BEST3: variants seen among roughly 807,000 people sequenced by gnomAD.
BEST3 encodes bestrophin 3.
A neutral mutation model predicts 47.1 loss-of-function variants in BEST3; 50 were observed. The ratio of observed to expected loss-of-function variants is 1.06; its 90% CI spans 0.85 to 1.34. The LOEUF is 1.34. Ranked by LOEUF, BEST3 falls within the 40% of genes most tolerant of loss-of-function variation. BEST3 has a pLI of 0.00. For missense variants in BEST3, 765 were observed against 817.0 expected, an observed-to-expected ratio of 0.94 and a Z score of 0.78; for synonymous variants, 282 against 298.8, an observed-to-expected ratio of 0.94 and a Z score of 0.58.
At chr12:69,669,355 G>A (rs1035446003) in intron 9 of BEST3, among the ~76,000 whole-genome samples, 2 of 152,138 alleles carry the variant, frequency 1.3e-5, no homozygotes, top group Non-Finnish European at 2.9e-5. Flanking sequence ...CTAGCAGATC[G>A]AGTTAAACCT....
intron 9 of BEST3, among the ~76,000 whole-genome samples, chr12:69,664,676 A>G (rs1213465120): frequency 6.8e-6 from 1 of 148,030 alleles, no homozygotes; most frequent in African/African-American, 2.5e-5. Context: ...TATATCTAAC[A>G]TATAAAATAT....
chr12:69,697,852 T>C lies in BEST3; in HGVS notation c.-15-39A>G, dbSNP rs552216037. 3 of 1,526,728 alleles carry C rather than the reference T, an allele frequency of 2.0e-6. No homozygotes were observed. In the African/African-American group the frequency reaches 4.2e-5, roughly 21 times the overall value. 94.6% of individuals were successfully genotyped at this position (1,526,728 alleles called of 1,614,324 possible). A position where few individuals can be genotyped will look rare whatever the true frequency, so the allele number is the denominator to read the frequency against. ...AAGACAAAACACAAGTAAAAAGCAATGTTTAAAATAGGGCATAAATCTGTA... is the reference window on the plus strand; with the variant it reads ...AAGACAAAACACAAGTAAAAAGCAACGTTTAAAATAGGGCATAAATCTGTA... On this transcript the variant is annotated intron_variant, in intron 1 of 9. Transcript: ENST00000330891.
intron 7 of BEST3, among the ~76,000 whole-genome samples, chr12:69,673,430 A>AACAAGG (rs1884705933): frequency 2.0e-5 from 3 of 152,190 alleles, no homozygotes; most frequent in Non-Finnish European, 2.9e-5. Flanking sequence ...AGAGGCTTTC[A>AACAAGG]CAATTTATTT....
intron 4 of BEST3, among the ~76,000 whole-genome samples, chr12:69,680,326 T>TTTTTTTTTTTTTTTTTTTTGTTTG (rs1555207061): frequency 6.9e-6 from 1 of 145,016 alleles, no homozygotes; most frequent in Admixed American, 6.8e-5. Flanking sequence ...TTTTTTTTTT[T>TTTTTTTTTTTTTTTTTTTTGTTTG]TAGATGGAGT....
chr12:69,693,782 T>TA lies in BEST3; in HGVS notation c.372dup (p.Arg125Ter). ...TTGACGTAGCGCATCAGCGTCCTTC[T>TA]AAGCAGGCGCCCGTGCTCGTCGCTT... is the stretch of plus-strand genomic sequence containing the variant. On this transcript the variant is annotated frameshift_variant, in exon 4 of 10. Transcript: ENST00000330891. LOFTEE classifies it high-confidence loss of function. The TA allele has an allele frequency of 6.2e-7, 1 of 1,614,160 alleles. No individual in the cohort carries two copies. Among genetic ancestry groups the TA allele is most frequent in the Non-Finnish European group, 8.5e-7 (1 of 1,180,020 alleles).
downstream of BEST3, chr12:69,643,521 T>G: frequency 6.9e-6 from 3 of 433,318 alleles, no homozygotes; most frequent in East Asian, 3.8e-5. Context: ...AAATTACCAT[T>G]AAAATCTCCT....
intron 5 of BEST3, among the ~76,000 whole-genome samples, chr12:69,678,312 G>T (rs1389740816): frequency 6.6e-6 from 1 of 152,120 alleles, no homozygotes; most frequent in South Asian, 2.1e-4. Context: ...GTATCTGAAA[G>T]GCTGGCTTAA....
chr12:69,653,891 G>A lies in BEST3; in HGVS notation c.*1016C>T, dbSNP rs904047237. ...ACACGATTAGGATTTTTGCATAAGAGTTCAAGTTAAACAGATGTGAGTCAT... is the reference window on the plus strand; with the variant it reads ...ACACGATTAGGATTTTTGCATAAGAATTCAAGTTAAACAGATGTGAGTCAT... On this transcript the variant is annotated 3_prime_UTR_variant, in exon 10 of 10. Coordinates refer to ENST00000330891, the MANE Select transcript of BEST3 (RefSeq NM_032735.3). The A allele has an allele frequency of 1.8e-5, 18 of 985,330 alleles. No individual in the cohort carries two copies. The highest frequency in any genetic ancestry group is 1.9e-5 in the Non-Finnish European group (16 of 829,944). 61.0% of individuals were successfully genotyped at this position (985,330 alleles called of 1,614,324 possible).
At chr12:69,674,232 A>T (rs1884761645) in intron 7 of BEST3, among the ~76,000 whole-genome samples, 1 of 152,160 alleles carries the variant, frequency 6.6e-6, no homozygotes, top group Non-Finnish European at 1.5e-5. Flanking sequence ...TAGAAAATCT[A>T]CCTACTTATC....
chr12:69,655,837 C>T, intron 9 of BEST3, 24 bp from the exon 10 acceptor site: 2 of 1,574,428 alleles, frequency 1.3e-6, no homozygotes, highest in Non-Finnish European at 1.7e-6. Context: ...TGACAAGATC[C>T]AGGCAGAGTA....
At position 69,693,854 on chromosome 12, in the gene BEST3, G is replaced by A. The variant is rs759429996; in HGVS notation, c.301C>T (p.Pro101Ser). The change falls in exon 4 of 10, where the codon CCC (proline) becomes TCC (serine). Residue 101 changes from proline (P) to serine (S), a missense_variant. Coordinates refer to ENST00000330891, the MANE Select transcript of BEST3 (RefSeq NM_032735.3). ...NRWWNQFVNL[P>S]WPDRLMFLIS... is the part of the protein sequence containing the mutation. ...AGGAACATTAGCCTGTCTGGCCAGG[G>A]CAAATTCACAAACTGGTTCCACCAT... is the stretch of plus-strand genomic sequence containing the variant. 1.2e-6 allele frequency: 2 copies of A among 1,613,450 alleles called. No individual in the cohort carries two copies. Among genetic ancestry groups the A allele is most frequent in the African/African-American group, 1.3e-5 (1 of 74,906 alleles).
intron 4 of BEST3, among the ~76,000 whole-genome samples, chr12:69,688,322 A>G (rs917679370): frequency 2.0e-5 from 3 of 152,250 alleles, no homozygotes; most frequent in African/African-American, 7.2e-5. Flanking sequence ...GGCAAAAGTA[A>G]CAGAGACTGT....
intron 9 of BEST3, among the ~76,000 whole-genome samples, chr12:69,658,485 T>C (rs532776178): frequency 1.3e-5 from 2 of 152,346 alleles, no homozygotes; most frequent in South Asian, 4.1e-4. Context: ...GACCCTATTG[T>C]ACCTTCCTGG....
At chr12:69,678,994 T>C in intron 4 of BEST3, 101 bp from the exon 5 acceptor site, 1 of 977,078 alleles carries the variant, frequency 1.0e-6, no homozygotes, top group African/African-American at 1.6e-5. Context: ...TGAGGGGATA[T>C]TAAAGAAATA....
intron 9 of BEST3, chr12:69,670,691 G>C: frequency 3.7e-6 from 2 of 541,314 alleles, no homozygotes. Flanking sequence ...GCAGGCCTCA[G>C]GGAACTATGA....
At position 69,695,717 on chromosome 12, in the gene BEST3, A is replaced by G. The variant is rs527876818; in HGVS notation, c.153-1253T>C. Among the ~76,000 whole-genome samples the G allele has an allele frequency of 1.2e-3, 176 of 152,302 alleles. 1 individual carries two copies. Among genetic ancestry groups the G allele is most frequent in the African/African-American group, 3.6e-3 (149 of 41,560 alleles). On this transcript the variant is annotated intron_variant, in intron 2 of 9. Coordinates refer to ENST00000330891, the MANE Select transcript of BEST3 (RefSeq NM_032735.3). ...ACACTTATGAATTTGGACTTTGAGC[A>G]TATTTTTGAACTCTCTGAGTCTCAG...
At chr12:69,671,227 C>T (rs1399364288) in intron 9 of BEST3, among the ~76,000 whole-genome samples, 1 of 152,146 alleles carries the variant, frequency 6.6e-6, no homozygotes, top group East Asian at 1.9e-4. Context: ...TGCAATGGCA[C>T]AATCACAGCT....
intron 4 of BEST3, among the ~76,000 whole-genome samples, chr12:69,686,798 AG>A (rs1456329613): frequency 1.1e-4 from 13 of 113,696 alleles, no homozygotes; most frequent in Admixed American, 1.9e-4. Context: ...AAGAAAGAAA[AG>A]AAAAAAAGAA....
chr12:69,651,369 G>GT (rs762743206), downstream of BEST3, among the ~76,000 whole-genome samples: 9 of 152,176 alleles, frequency 5.9e-5, no homozygotes, highest in Non-Finnish European at 1.2e-4. Flanking sequence ...GTTCAAATTT[G>GT]TAAAGGAAAA....
Sources: gnomAD v4.1 joint callset for allele counts (sites outside exome capture counted in the v4.1 genomes callset) on GRCh38, gnomAD v4.1.1 for gene constraint, MANE v1.5 for transcripts, NCBI Gene and HGNC (gene_info 2026-07-23, HGNC 2026-07-21) for gene names.